The following NEGR1 variants were observed in gnomAD, a reference collection of about 807,000 sequenced individuals.
The protein encoded by NEGR1 is IgLON family member 4.
A neutral mutation model predicts 40.9 loss-of-function variants in NEGR1; 10 were observed. The ratio of observed to expected loss-of-function variants is 0.24; its 90% CI spans 0.15 to 0.42. The LOEUF is 0.42. Among genes scored for constraint, NEGR1 ranks in the 10% least tolerant of loss-of-function variants. The probability of loss-of-function intolerance (pLI) is 1.00; values close to 1 mark genes in which losing one functional copy is unlikely to be tolerated. For synonymous variants in NEGR1, 185 were observed against 166.8 expected, an observed-to-expected ratio of 1.11 and a Z score of -0.84; for missense variants, 352 against 438.9, an observed-to-expected ratio of 0.80 and a Z score of 1.77.
At chr1:71,795,856 C>T (rs1657305591) in intron 2 of NEGR1, among the ~76,000 whole-genome samples, 1 of 152,054 alleles carries the variant, frequency 6.6e-6, no homozygotes, top group Admixed American at 6.6e-5. Context: ...AAAGTCCAAT[C>T]CTTTAGGAAG....
rs551737090 is a variant in NEGR1, at chr1:71,629,694, T to A, written c.668-18548A>T. Among the ~76,000 whole-genome samples the A allele has an allele frequency of 1.8e-3, 274 of 152,092 alleles. 1 individual carries two copies. The highest frequency in any genetic ancestry group is 6.3e-3 in the African/African-American group (263 of 41,536). ...CTGTCTCTATTTGCAGATGACATGATTGTATGTGTAGAAAACCCAGTCATC... is the reference window on the plus strand; with the variant it reads ...CTGTCTCTATTTGCAGATGACATGAATGTATGTGTAGAAAACCCAGTCATC... On this transcript the variant is annotated intron_variant, in intron 4 of 6. Transcript: ENST00000357731.
At position 72,275,087 on chromosome 1, in the gene NEGR1, T is replaced by C. The variant is rs550909597; in HGVS notation, c.176+7232A>G. 60 of 945,268 alleles carry C rather than the reference T, an allele frequency of 6.3e-5. No homozygotes were observed. The African/African-American group carries it at 8.8e-4, about 14-fold the overall frequency. 58.6% of individuals were successfully genotyped at this position (945,268 alleles called of 1,614,324 possible). Reference sequence around the variant, plus strand: ...AAATTTGTTAGCACCAGTGACCTCCTGATACCGAAAGACTTGGGAACAGAA... The same window carrying C: ...AAATTTGTTAGCACCAGTGACCTCCCGATACCGAAAGACTTGGGAACAGAA... On this transcript the variant is annotated intron_variant, in intron 1 of 6. Coordinates refer to ENST00000357731, the MANE Select transcript of NEGR1 (RefSeq NM_173808.3).
At chr1:71,661,918 C>A (rs1010595787) in intron 4 of NEGR1, among the ~76,000 whole-genome samples, 1 of 152,148 alleles carries the variant, frequency 6.6e-6, no homozygotes, top group Non-Finnish European at 1.5e-5. Context: ...AACTGTGTGA[C>A]TGGAAAATGA....
At chr1:72,070,971 C>T (rs1647439454) in intron 1 of NEGR1, among the ~76,000 whole-genome samples, 1 of 151,920 alleles carries the variant, frequency 6.6e-6, no homozygotes, top group Non-Finnish European at 1.5e-5. Context: ...AGCCCATGAC[C>T]TAAAGCCCAA....
At chr1:71,973,163 A>C (rs1272950600) in intron 1 of NEGR1, among the ~76,000 whole-genome samples, 1 of 152,124 alleles carries the variant, frequency 6.6e-6, no homozygotes, top group Non-Finnish European at 1.5e-5. Context: ...AAAAACACAA[A>C]AAATTAGCTG....
chr1:71,681,563 T>C (rs12032864), intron 4 of NEGR1, among the ~76,000 whole-genome samples: 11,118 of 152,214 alleles, frequency 0.073, 502 homozygotes, highest in East Asian at 0.13. Context: ...CAGTATGATG[T>C]ATATTTGTGC....
intron 1 of NEGR1, among the ~76,000 whole-genome samples, chr1:71,988,049 G>C (rs891986557): frequency 6.6e-6 from 1 of 152,204 alleles, no homozygotes; most frequent in East Asian, 1.9e-4. Flanking sequence ...TAGATGAAGA[G>C]CACGTACAGA....
intron 2 of NEGR1, among the ~76,000 whole-genome samples, chr1:71,917,890 C>T (rs1241028803): frequency 6.6e-6 from 1 of 151,532 alleles, no homozygotes; most frequent in Non-Finnish European, 1.5e-5. Flanking sequence ...TAAGAACGAC[C>T]TCACTGCTGT....
intron 1 of NEGR1, among the ~76,000 whole-genome samples, chr1:72,020,052 A>T (rs1429600973): frequency 6.6e-6 from 1 of 152,236 alleles, no homozygotes; most frequent in African/African-American, 2.4e-5. Flanking sequence ...TTCTAAAATT[A>T]CTTCTGAGTA....
intron 2 of NEGR1, among the ~76,000 whole-genome samples, chr1:71,815,308 G>A (rs1162882920): frequency 2.6e-5 from 4 of 152,054 alleles, no homozygotes; most frequent in Non-Finnish European, 4.4e-5. Flanking sequence ...CATTTGCTGA[G>A]GAGTGTTTTA....
At chr1:72,028,740 T>C (rs536037060) in intron 1 of NEGR1, among the ~76,000 whole-genome samples, 38 of 152,350 alleles carry the variant, frequency 2.5e-4, no homozygotes, top group African/African-American at 8.4e-4. Context: ...TATTCTGACC[T>C]TCTTCAAATA....
chr1:71,745,762 G>A (rs1182514444), intron 3 of NEGR1, among the ~76,000 whole-genome samples: 3 of 152,118 alleles, frequency 2.0e-5, no homozygotes, highest in East Asian at 1.9e-4. Flanking sequence ...TAGCCTGGGC[G>A]ACAGAGCAAG....
At chr1:71,424,933 A>G (rs1646419632) in intron 6 of NEGR1, among the ~76,000 whole-genome samples, 1 of 152,232 alleles carries the variant, frequency 6.6e-6, no homozygotes, top group South Asian at 2.1e-4. Flanking sequence ...TAGTTAAGTC[A>G]TATTGCACTT....
At chr1:71,867,541 T>C (rs1384134336) in intron 2 of NEGR1, among the ~76,000 whole-genome samples, 1 of 152,158 alleles carries the variant, frequency 6.6e-6, no homozygotes, top group African/African-American at 2.4e-5. Context: ...AAAAATTTGG[T>C]CAAATTGATT....
intron 5 of NEGR1, among the ~76,000 whole-genome samples, chr1:71,602,236 TTC>T (rs1366891418): frequency 8.0e-4 from 101 of 125,778 alleles, no homozygotes; most frequent in South Asian, 1.1e-3. Context: ...CCCATGATTA[TTC>T]TTTTTTTTTT....
In NEGR1 at chr1:71,440,762, C is replaced by T. The variant is rs551165925; in HGVS notation, c.941-33192G>A. On this transcript the variant is annotated intron_variant, in intron 6 of 6. Transcript: ENST00000357731. ...GCACATTAAAGTTTGAGAGACACTA[C>T]CTTAGGTCTTTATTTCTGTCATTGA... Among the ~76,000 whole-genome samples the T allele has an allele frequency of 2.0e-5, 3 of 152,232 alleles. No individual in the cohort carries two copies. The South Asian group carries it at 6.2e-4, about 32-fold the overall frequency.
intron 6 of NEGR1, among the ~76,000 whole-genome samples, chr1:71,534,018 C>T (rs796264745): frequency 1.3e-5 from 2 of 151,780 alleles, no homozygotes; most frequent in African/African-American, 4.8e-5. Context: ...CTTAAAACTT[C>T]ACACAGCGAG....
At chr1:71,947,370 C>T (rs1646031142) in intron 1 of NEGR1, among the ~76,000 whole-genome samples, 1 of 151,878 alleles carries the variant, frequency 6.6e-6, no homozygotes, top group Non-Finnish European at 1.5e-5. Context: ...GTGAGAAAAT[C>T]TGTTTTCATA....
chr1:71,597,785 C>T (rs534931573), intron 5 of NEGR1, among the ~76,000 whole-genome samples: 22 of 151,614 alleles, frequency 1.5e-4, no homozygotes, highest in Admixed American at 9.2e-4. Context: ...TCCCAGTGGG[C>T]GCCTGTAGTC....
Sources: gnomAD v4.1 joint callset for allele counts (sites outside exome capture counted in the v4.1 genomes callset) on GRCh38, gnomAD v4.1.1 for gene constraint, MANE v1.5 for transcripts, NCBI Gene and HGNC (gene_info 2026-07-23, HGNC 2026-07-21) for gene names.